ZNF211: variants seen among roughly 807,000 people sequenced by gnomAD.
ZNF211 encodes zinc finger protein C2H2-25.
A neutral mutation model predicts 12.1 loss-of-function variants in ZNF211; 18 were observed. The ratio of observed to expected loss-of-function variants is 1.48; its 90% confidence interval spans 1.03 to 2.20. The LOEUF is 2.20. ZNF211 is among the 30% of genes most tolerant of loss of function. The pLI is 0.00. For synonymous variants in ZNF211, 249 were observed against 246.0 expected, an observed-to-expected ratio of 1.01 and a Z score of -0.11; for missense variants, 677 against 703.1, an observed-to-expected ratio of 0.96 and a Z score of 0.42.
At position 57,640,895 on chromosome 19, in the gene ZNF211, C is replaced by G. The variant is rs375456360; in HGVS notation, c.448C>G (p.Leu150Val). The G allele has an allele frequency of 1.2e-6, 2 of 1,614,242 alleles. No individual in the cohort carries two copies. Among genetic ancestry groups the G allele is most frequent in the South Asian group, 2.2e-5 (2 of 91,088 alleles). ...CCAAGGAACAAACTGCGGGCAGAAA[C>G]TACACACATGTGGAAAACAATTCTA... ...EHQGTNCGQK[L>V]HTCGKQFYIS... The change falls in exon 4 of 4, where the codon CTA (leucine) becomes GTA (valine). Residue 150 changes from leucine to valine, a missense_variant. Transcript: ENST00000240731.
chr19:57,633,277 C>A lies in ZNF211; in HGVS notation c.-70C>A. The A allele has an allele frequency of 7.2e-7, 1 of 1,382,926 alleles. No individual in the cohort carries two copies. Among genetic ancestry groups the A allele is most frequent in the African/African-American group, 1.5e-5 (1 of 68,486 alleles). The allele number at this position is 1,382,926 out of a possible 1,614,324, so 85.7% of individuals were successfully genotyped here. ...CTGCATCGGGATCGAAGTGACGGAC[C>A]GTGAAGGCGCGAGAGTCAGGTCTGA... On this transcript the variant is annotated 5_prime_UTR_variant, in exon 1 of 4. Coordinates refer to ENST00000240731, the MANE Select transcript of ZNF211 (RefSeq NM_006385.5).
chr19:57,636,414 G>A (rs1982147575), intron 3 of ZNF211, among the ~76,000 whole-genome samples: 1 of 151,062 alleles, frequency 6.6e-6, no homozygotes. Context: ...TTTATATGTG[G>A]TGTCAGGTAA....
chr19:57,634,963 T>TA (rs1246316503), intron 3 of ZNF211: 46 of 985,326 alleles, frequency 4.7e-5, no homozygotes, highest in East Asian at 1.1e-4. Context: ...TCAGTAGTCT[T>TA]ACAGTAAGCC....
chr19:57,639,408 C>CTTTTTTTTTTTTTTTTTTTTTTTTTT (rs55696059), intron 3 of ZNF211, among the ~76,000 whole-genome samples: 2 of 20,758 alleles, frequency 9.6e-5, no homozygotes, highest in African/African-American at 4.2e-4. Context: ...CCTTTATGTA[C>CTTTTTTTTTTTTTTTTTTTTTTTTTT]TTTTTTTTTT....
At chr19:57,640,530 C>A (rs1419471643) in intron 3 of ZNF211, among the ~76,000 whole-genome samples, 174 bp from the exon 4 acceptor site, 1 of 152,200 alleles carries the variant, frequency 6.6e-6, no homozygotes, top group African/African-American at 2.4e-5. Context: ...TATTCCGTAA[C>A]CTTAGGGACA....
At chr19:57,636,970 T>G (rs1408124182) in intron 3 of ZNF211, among the ~76,000 whole-genome samples, 1 of 152,224 alleles carries the variant, frequency 6.6e-6, no homozygotes, top group Non-Finnish European at 1.5e-5. Flanking sequence ...TTGATATAAG[T>G]GGAATTGTTT....
rs554786000 is a variant in ZNF211 at position 57,641,600 on chromosome 19, A to G, written c.1153A>G (p.Ser385Gly). The G allele has an allele frequency of 1.2e-6, 2 of 1,612,806 alleles. No homozygotes were observed. Among genetic ancestry groups the G allele is most frequent in the East Asian group, 4.5e-5 (2 of 44,796 alleles). Residue 385 changes from serine to glycine, a missense_variant, in exon 4 of 4, where the codon AGC becomes GGC. Transcript: ENST00000240731. ...VHTGERPYEC[S>G]ECGKSFSQNF... ...CACTGGAGAAAGGCCTTATGAATGC[A>G]GCGAATGTGGGAAATCTTTTAGCCA...
At position 57,634,386 on chromosome 19, in the gene ZNF211, G is replaced by A. The variant is rs920859565; in HGVS notation, c.130-243G>A. On this transcript the variant is annotated intron_variant, in intron 2 of 3. Transcript: ENST00000240731. The stretch of plus-strand genomic sequence containing the variant: ...TGTGAAGTTTGGCATCTATTGTGAG[G>A]AAGTTGGAGTTTGGGATCAGAGGAG... 4 of 480,630 alleles carry A rather than the reference G, an allele frequency of 8.3e-6. No homozygotes were observed. In the Admixed American group the frequency reaches 1.6e-4, roughly 19 times the overall value. 29.8% of individuals were successfully genotyped at this position (480,630 alleles called of 1,614,324 possible).
rs1981688305 is a variant in ZNF211 at position 57,633,417 on chromosome 19, C to T, written c.71C>T (p.Ala24Val). 7 of 1,602,578 alleles carry T rather than the reference C, an allele frequency of 4.4e-6. No homozygotes were observed. The African/African-American group carries it at 5.3e-5, about 12-fold the overall frequency. Residue 24 changes from alanine (A) to valine (V), a missense_variant, in exon 1 of 4, where the codon GCA becomes GTA. Physicochemically the swap from Ala to Val is moderately conservative, Grantham distance 64. Transcript: ENST00000240731. ...QLRPQTRMAT[A>V]LRDPASVPIA... ...CGCCCACAGACTCGGATGGCGACCG[C>T]ACTGAGGGACCCGGCTTCGGTGAGC...
chr19:57,634,506 A>G (rs1239134849), intron 2 of ZNF211, 123 bp from the exon 3 acceptor site: 3 of 1,186,024 alleles, frequency 2.5e-6, no homozygotes, highest in East Asian at 2.7e-5. Flanking sequence ...GCAGGGATCA[A>G]TGACACCAAG....
At chr19:57,633,633 G>C in intron 1 of ZNF211, 197 bp downstream of exon 1, 1 of 1,533,688 alleles carries the variant, frequency 6.5e-7, no homozygotes, top group Non-Finnish European at 8.7e-7. Context: ...GGGCAACCGA[G>C]AAGGGGGCAT....
chr19:57,642,757 T>C lies in ZNF211; in HGVS notation c.*576T>C, dbSNP rs1352077854. 1 of 152,932 alleles carries C rather than the reference T, an allele frequency of 6.5e-6. No homozygotes were observed. Among genetic ancestry groups the C allele is most frequent in the Non-Finnish European group, 1.5e-5 (1 of 68,594 alleles). The allele number at this position is 152,932 out of a possible 1,614,324, so 9.5% of individuals were successfully genotyped here. A position where few individuals can be genotyped will look rare whatever the true frequency, so the allele number is the denominator to read the frequency against. On this transcript the variant is annotated 3_prime_UTR_variant, in exon 4 of 4. Transcript: ENST00000240731. ...GTTTTTTACAATAATAAAAGCATTA[T>C]TATTTAAGCTACCTTTATCTTGGCA...
rs535674965 is a variant in ZNF211 at position 57,642,421 on chromosome 19, C to T, written c.*240C>T. On this transcript the variant is annotated 3_prime_UTR_variant, in exon 4 of 4. Transcript: ENST00000240731. ...CACTGACAGTTTCTGAGGCAGAAGCCGTATCATGTCTACCACCTGTGAGGT... is the reference window on the plus strand; with the variant it reads ...CACTGACAGTTTCTGAGGCAGAAGCTGTATCATGTCTACCACCTGTGAGGT... The T allele has an allele frequency of 6.2e-5, 30 of 485,776 alleles. No individual in the cohort carries two copies. The highest frequency in any genetic ancestry group is 2.5e-4 in the African/African-American group (13 of 52,268). The allele number at this position is 485,776 out of a possible 1,614,324, so 30.1% of individuals were successfully genotyped here.
chr19:57,639,735 C>T (rs897518083), intron 3 of ZNF211, among the ~76,000 whole-genome samples: 1 of 151,976 alleles, frequency 6.6e-6, no homozygotes, highest in African/African-American at 2.4e-5. Context: ...TCTTTGTATA[C>T]TTCATGTAGC....
intron 3 of ZNF211, 126 bp downstream of exon 3, chr19:57,634,881 T>C: frequency 3.1e-6 from 4 of 1,307,570 alleles, no homozygotes; most frequent in South Asian, 5.5e-5. Context: ...CCTGGGTAGA[T>C]GTTGTGGACT....
At chr19:57,638,251 AT>A (rs59597056) in intron 3 of ZNF211, among the ~76,000 whole-genome samples, 93 of 150,166 alleles carry the variant, frequency 6.2e-4, no homozygotes, top group Middle Eastern at 3.4e-3. Flanking sequence ...GGTTTTGTTG[AT>A]TTTTTTTTTA....
chr19:57,634,759 A>G lies in ZNF211; in HGVS notation c.256+4A>G. 6.3e-7 allele frequency: 1 copy of G among 1,587,214 alleles called. No individual in the cohort carries two copies. ...TTTGCACTTACGTCCTCCCTGGGTAAGGCCCTCATACTCACCCTTGTGCCC... is the reference window on the plus strand; with the variant it reads ...TTTGCACTTACGTCCTCCCTGGGTAGGGCCCTCATACTCACCCTTGTGCCC... On this transcript the variant is annotated splice_donor_region_variant and intron_variant, in intron 3 of 3. Coordinates refer to ENST00000240731, the MANE Select transcript of ZNF211 (RefSeq NM_006385.5).
At chr19:57,639,408 C>CTTTTT (rs55696059) in intron 3 of ZNF211, among the ~76,000 whole-genome samples, 3 of 20,764 alleles carry the variant, frequency 1.4e-4, no homozygotes, top group Admixed American at 8.1e-4. Context: ...CCTTTATGTA[C>CTTTTT]TTTTTTTTTT....
chr19:57,643,784 A>G lies in ZNF211; in HGVS notation c.*1603A>G, dbSNP rs891956028. Reference sequence around the variant, plus strand: ...TCTCTGGCCCTCAAGGCAACCATTGATTTATACCTTCATTTATAATAGGTT... The same window carrying G: ...TCTCTGGCCCTCAAGGCAACCATTGGTTTATACCTTCATTTATAATAGGTT... On this transcript the variant is annotated 3_prime_UTR_variant, in exon 4 of 4. Coordinates refer to ENST00000240731, the MANE Select transcript of ZNF211 (RefSeq NM_006385.5). Among the ~76,000 whole-genome samples, 1 of 152,150 alleles carries G rather than the reference A, an allele frequency of 6.6e-6. No homozygotes were observed. Among genetic ancestry groups the G allele is most frequent in the Admixed American group, 6.5e-5 (1 of 15,272 alleles).
Sources: allele counts gnomAD v4.1 joint callset (sites outside exome capture counted in the v4.1 genomes callset), GRCh38; gene constraint gnomAD v4.1.1; transcripts MANE v1.5; gene names NCBI Gene and HGNC (gene_info 2026-07-23, HGNC 2026-07-21).